The following TBCD variants were observed in gnomAD, a reference collection of about 807,000 sequenced individuals.
TBCD encodes the protein tubulin folding cofactor D.
Under a neutral mutation model 169.3 loss-of-function variants are expected in TBCD, and 105 were observed. That is an observed-to-expected ratio of 0.62 (90% CI 0.53 to 0.73). The LOEUF is 0.73. Ranked by LOEUF, TBCD falls within the 30% of genes least tolerant of loss-of-function variation. The pLI is 0.00. For synonymous variants in TBCD, 700 were observed against 643.9 expected (o/e 1.09, Z -1.32); for missense variants, 1,444 against 1,600.1 (o/e 0.90, Z 1.66).
Position 82,789,714 on chromosome 17 carries a change from A to G in TBCD, c.771+7993A>G, listed in dbSNP as rs2049564003. Among the ~76,000 whole-genome samples, 1 of 152,066 alleles carries G rather than the reference A, an allele frequency of 6.6e-6. No homozygotes were observed. Among genetic ancestry groups the G allele is most frequent in the Admixed American group, 6.5e-5 (1 of 15,280 alleles). ...CCTCAGGCTTTGGTCCTGGCTGTTGATATCTCAGCTCTGATTCACCCTTGA... is the reference window on the plus strand; with the variant it reads ...CCTCAGGCTTTGGTCCTGGCTGTTGGTATCTCAGCTCTGATTCACCCTTGA... On this transcript the variant is annotated intron_variant, in intron 7 of 38. Coordinates refer to ENST00000355528, the MANE Select transcript of TBCD (RefSeq NM_005993.5). This position sits in a 1 kb window ranked among gnomAD's most constrained non-coding sequence, Gnocchi z 4.8.
At chr17:82,909,044 C>T (rs1374438141) in intron 21 of TBCD, among the ~76,000 whole-genome samples, 3 of 152,212 alleles carry the variant, frequency 2.0e-5, no homozygotes, top group Non-Finnish European at 4.4e-5. Context: ...TACTCTGGCC[C>T]TCTCCTCCCT....
chr17:82,910,062 G>C (rs1318090528), intron 22 of TBCD, among the ~76,000 whole-genome samples: 2 of 152,264 alleles, frequency 1.3e-5, no homozygotes, highest in Non-Finnish European at 2.9e-5. Context: ...CACCAGCCCA[G>C]GCTCATCTGG....
At chr17:82,813,114 AC>A (rs1465283425) in intron 12 of TBCD, among the ~76,000 whole-genome samples, 2 of 152,130 alleles carry the variant, frequency 1.3e-5, no homozygotes, top group African/African-American at 4.8e-5. Flanking sequence ...TGAGCCCTGT[AC>A]CTGGCTAAAA....
intron 13 of TBCD, chr17:82,830,365 C>G: frequency 1.2e-6 from 2 of 1,613,256 alleles, no homozygotes; most frequent in African/African-American, 1.3e-5. Flanking sequence ...ATCGCCCACC[C>G]GGATGTTCCT....
chr17:82,858,936 C>T (rs1035874970), intron 13 of TBCD, among the ~76,000 whole-genome samples: 6 of 152,222 alleles, frequency 3.9e-5, no homozygotes, highest in Admixed American at 3.9e-4. Context: ...GTGCGGCTCT[C>T]AGCGCCTCTG....
intron 38 of TBCD, 61 bp downstream of exon 38, chr17:82,941,544 G>T: frequency 6.9e-7 from 1 of 1,457,214 alleles, no homozygotes; most frequent in Non-Finnish European, 9.3e-7. Context: ...GGAATGTTCT[G>T]GGGCCAGCGG....
intron 6 of TBCD, 57 bp downstream of exon 6, chr17:82,772,564 G>C (rs1177729854): frequency 4.6e-5 from 72 of 1,570,756 alleles, no homozygotes; most frequent in Middle Eastern, 1.7e-4. Context: ...AGAGGGGTTT[G>C]TTTGGGTACG....
intron 37 of TBCD, among the ~76,000 whole-genome samples, 154 bp from the exon 38 acceptor site, chr17:82,941,245 G>A (rs923053855): frequency 5.3e-5 from 8 of 152,242 alleles, no homozygotes; most frequent in African/African-American, 1.9e-4. Flanking sequence ...ACGTGCTCCT[G>A]TGACGTCTTT....
At chr17:82,940,217 GCGCGCACA>G (rs1168871364) in intron 37 of TBCD, among the ~76,000 whole-genome samples, 4 of 101,382 alleles carry the variant, frequency 3.9e-5, no homozygotes, top group Non-Finnish European at 8.9e-5. Flanking sequence ...TCACTTGCAC[GCGCGCACA>G]CACACACACA....
In TBCD at chr17:82,880,645, G is replaced by T. The variant is rs1208707425; in HGVS notation, c.1476-3500G>T. ...CAGGTAGCGGGTGGGCCTCCGTGGT[G>T]TTGGGAGGTGCTGGGCCCGGAGGTA... On this transcript the variant is annotated intron_variant, in intron 14 of 38. Transcript: ENST00000355528. The surrounding 1 kb of genome is among the most constrained non-coding windows in gnomAD (Gnocchi z 5.0). 6.6e-6 allele frequency among the ~76,000 whole-genome samples: 1 copy of T among 152,186 alleles called. No individual in the cohort carries two copies. The highest frequency in any genetic ancestry group is 2.4e-5 in the African/African-American group (1 of 41,438).
At chr17:82,798,622 T>C (rs1412454217) in intron 8 of TBCD, among the ~76,000 whole-genome samples, 3 of 151,946 alleles carry the variant, frequency 2.0e-5, no homozygotes, top group East Asian at 1.9e-4. Flanking sequence ...CTGCCAGGGG[T>C]CTCGTGAGGG....
chr17:82,836,262 C>T lies in TBCD; in HGVS notation c.1318+21328C>T, dbSNP rs567079485. Among the ~76,000 whole-genome samples the T allele has an allele frequency of 5.9e-5, 9 of 152,352 alleles. No homozygotes were observed. The East Asian group carries it at 1.7e-3, about 29-fold the overall frequency. Reference sequence around the variant, plus strand: ...GCCAGCTCAGTCAGTGGGGCCTGTGCCGGCATGCCTCGCCGCGCTCCCTGG... The same window carrying T: ...GCCAGCTCAGTCAGTGGGGCCTGTGTCGGCATGCCTCGCCGCGCTCCCTGG... On this transcript the variant is annotated intron_variant, in intron 13 of 38. Coordinates refer to ENST00000355528, the MANE Select transcript of TBCD (RefSeq NM_005993.5).
intron 7 of TBCD, among the ~76,000 whole-genome samples, chr17:82,792,116 T>A (rs1378855140): frequency 1.3e-5 from 2 of 152,176 alleles, no homozygotes; most frequent in Non-Finnish European, 2.9e-5. Context: ...GAGACCATCC[T>A]GGCTAAAATG....
At chr17:82,939,246 G>A (rs974362762) in intron 36 of TBCD, 121 bp from the exon 37 acceptor site, 1 of 778,262 alleles carries the variant, frequency 1.3e-6, no homozygotes, top group Non-Finnish European at 2.2e-6. Flanking sequence ...ATGGGATGCA[G>A]GGTCAGCGTC....
intron 23 of TBCD, among the ~76,000 whole-genome samples, chr17:82,919,845 C>T (rs987111663): frequency 3.3e-5 from 5 of 152,138 alleles, no homozygotes; most frequent in Admixed American, 6.5e-5. Context: ...CGACGGCCTC[C>T]GCATCTGTAG....
In TBCD at chr17:82,786,470, G is replaced by A. The variant is rs571770152; in HGVS notation, c.771+4749G>A. ...TTTGATCTCTGTCCGGTCTCTTAACGGGCTTCTAGGGGTCTCCTGCAGCTC... is the reference window on the plus strand; with the variant it reads ...TTTGATCTCTGTCCGGTCTCTTAACAGGCTTCTAGGGGTCTCCTGCAGCTC... On this transcript the variant is annotated intron_variant, in intron 7 of 38. Transcript: ENST00000355528. 9.9e-4 allele frequency among the ~76,000 whole-genome samples: 150 copies of A among 152,280 alleles called. 1 individual carries two copies. Among genetic ancestry groups the A allele is most frequent in the African/African-American group, 2.8e-3 (118 of 41,562 alleles).
At chr17:82,891,461 C>T (rs529608617) in intron 16 of TBCD, among the ~76,000 whole-genome samples, 1 of 152,238 alleles carries the variant, frequency 6.6e-6, no homozygotes, top group Non-Finnish European at 1.5e-5. Flanking sequence ...TGAAGAGACA[C>T]AGACTTTGAA....
In TBCD at chr17:82,832,588, C is replaced by T; in HGVS notation, c.1318+17654C>T. On this transcript the variant is annotated intron_variant, in intron 13 of 38. Transcript: ENST00000355528. This position sits in a 1 kb window ranked among gnomAD's most constrained non-coding sequence, Gnocchi z 4.9. ...CGATCACTTCTATCAGAAGCCAGCT[C>T]TGCGTGCTGAGGGTCTGGCGAGAGC... 1.2e-6 allele frequency: 1 copy of T among 803,602 alleles called. No individual in the cohort carries two copies. The highest frequency in any genetic ancestry group is 1.5e-5 in the South Asian group (1 of 67,906). The allele number at this position is 803,602 out of a possible 1,614,324, so 49.8% of individuals were successfully genotyped here.
intron 17 of TBCD, among the ~76,000 whole-genome samples, chr17:82,896,260 C>A (rs1025173675): frequency 6.6e-6 from 1 of 152,136 alleles, no homozygotes; most frequent in Non-Finnish European, 1.5e-5. Context: ...TGGGGACCGT[C>A]CCCCGAGCCT....
Sources: allele counts gnomAD v4.1 joint callset (sites outside exome capture counted in the v4.1 genomes callset), GRCh38; gene constraint gnomAD v4.1.1; non-coding constraint Gnocchi (gnomAD v3.1); transcripts MANE v1.5; gene names NCBI Gene and HGNC (gene_info 2026-07-23, HGNC 2026-07-21).